HYAL4: variants seen among roughly 807,000 people sequenced by gnomAD.
The protein encoded by HYAL4 is hyaluronidase 4, also known as hyaluronidase-4.
In HYAL4, 37 loss-of-function variants were observed where a neutral mutation model predicts 35.2. The ratio of observed to expected loss-of-function variants is 1.05; its 90% confidence interval spans 0.81 to 1.38. HYAL4 has a LOEUF of 1.38. Ranked by LOEUF, HYAL4 falls within the 40% of genes most tolerant of loss-of-function variation. The pLI is 0.00. For missense variants in HYAL4, 572 were observed against 572.4 expected, an observed-to-expected ratio of 1.00 and a Z score of 0.01; for synonymous variants, 198 against 203.2, an observed-to-expected ratio of 0.97 and a Z score of 0.22.
At chr7:123,826,043 G>C (rs1412498186), upstream of HYAL4, among the ~76,000 whole-genome samples, 1 of 151,744 alleles carries the variant, frequency 6.6e-6, no homozygotes, top group Non-Finnish European at 1.5e-5. Flanking sequence ...TCCAAAGACA[G>C]AGTAGAAGAT....
the HYAL4 span, among the ~76,000 whole-genome samples, chr7:123,800,703 C>T: frequency 6.6e-6 from 1 of 151,652 alleles, no homozygotes; most frequent in Non-Finnish European, 1.5e-5. Flanking sequence ...GTCACCTAGG[C>T]TGGAGTGCAG....
chr7:123,788,770 G>T, the HYAL4 span, among the ~76,000 whole-genome samples: 1 of 152,330 alleles, frequency 6.6e-6, no homozygotes, highest in African/African-American at 2.4e-5. Context: ...TGAGAACAAG[G>T]AAGTACCTTG....
chr7:123,860,914 T>C (rs1406045424), intron 2 of HYAL4, among the ~76,000 whole-genome samples: 1 of 152,204 alleles, frequency 6.6e-6, no homozygotes, highest in Admixed American at 6.5e-5. Flanking sequence ...GAGAGATAGA[T>C]GATAGGTTGC....
chr7:123,801,953 G>T, the HYAL4 span, among the ~76,000 whole-genome samples: 3 of 152,154 alleles, frequency 2.0e-5, no homozygotes, highest in Admixed American at 6.5e-5. Context: ...CATGGTTTTT[G>T]TTCCTAGAGG....
At chr7:123,874,100 T>C (rs763030044) in intron 3 of HYAL4, among the ~76,000 whole-genome samples, 1 of 152,214 alleles carries the variant, frequency 6.6e-6, no homozygotes, top group Non-Finnish European at 1.5e-5. Context: ...GGATTCTGTT[T>C]CCAGGGCACA....
At chr7:123,799,700 T>A in the HYAL4 span, among the ~76,000 whole-genome samples, 1 of 152,062 alleles carries the variant, frequency 6.6e-6, no homozygotes, top group Non-Finnish European at 1.5e-5. Flanking sequence ...AATTTTTCAT[T>A]TACTCATTTT....
the HYAL4 span, among the ~76,000 whole-genome samples, chr7:123,817,968 C>A: frequency 1.3e-5 from 2 of 152,100 alleles, no homozygotes; most frequent in African/African-American, 4.8e-5. Context: ...ACCTCCGCCT[C>A]CTGAATTCAA....
chr7:123,862,645 T>G (rs1300451504), intron 2 of HYAL4, among the ~76,000 whole-genome samples: 2 of 152,176 alleles, frequency 1.3e-5, no homozygotes, highest in Non-Finnish European at 2.9e-5. Flanking sequence ...TATAATATCC[T>G]TTTCCTTTGT....
chr7:123,786,624 A>G, the HYAL4 span, among the ~76,000 whole-genome samples: 1 of 152,260 alleles, frequency 6.6e-6, no homozygotes, highest in Admixed American at 6.5e-5. Flanking sequence ...AAGTTTTAAA[A>G]TCTAGTAAAT....
chr7:123,782,209 T>A, the HYAL4 span, among the ~76,000 whole-genome samples: 1 of 152,144 alleles, frequency 6.6e-6, no homozygotes, highest in Non-Finnish European at 1.5e-5. Flanking sequence ...TCCTAGTATT[T>A]TTGGTGGGGT....
chr7:123,818,860 T>A, the HYAL4 span, among the ~76,000 whole-genome samples: 1 of 152,214 alleles, frequency 6.6e-6, no homozygotes, highest in South Asian at 2.1e-4. Flanking sequence ...ACATAATGTT[T>A]TGAGGTACAT....
intron 2 of HYAL4, among the ~76,000 whole-genome samples, chr7:123,850,479 G>A (rs1036499746): frequency 5.3e-5 from 8 of 152,152 alleles, no homozygotes; most frequent in East Asian, 1.9e-4. Flanking sequence ...GGGCTCAAGC[G>A]GTCCTCCTCC....
chr7:123,793,338 T>C, the HYAL4 span, among the ~76,000 whole-genome samples: 66 of 152,378 alleles, frequency 4.3e-4, 1 homozygote, highest in Middle Eastern at 3.4e-3. Context: ...TTTACCCTTA[T>C]GCCTAACTGT....
chr7:123,822,867 C>T, the HYAL4 span, among the ~76,000 whole-genome samples: 2 of 152,146 alleles, frequency 1.3e-5, no homozygotes, highest in Non-Finnish European at 2.9e-5. Context: ...CAGGAGGCTA[C>T]AGCAGGAGGA....
At chr7:123,819,517 G>A in the HYAL4 span, 5 of 152,442 alleles carry the variant, frequency 3.3e-5, no homozygotes, top group African/African-American at 1.2e-4. Flanking sequence ...GAGTCAAATG[G>A]TTGCTGATTA....
chr7:123,778,309 T>C, the HYAL4 span, among the ~76,000 whole-genome samples: 56 of 152,274 alleles, frequency 3.7e-4, no homozygotes, highest in African/African-American at 1.3e-3. Context: ...TATAAAATCA[T>C]AATAAAACGA....
At chr7:123,836,873 CA>C (rs752603807) in intron 1 of HYAL4, among the ~76,000 whole-genome samples, 1 of 151,782 alleles carries the variant, frequency 6.6e-6, no homozygotes, top group Non-Finnish European at 1.5e-5. Context: ...TACTAATAAG[CA>C]AAAATTAGCT....
intron 2 of HYAL4, among the ~76,000 whole-genome samples, chr7:123,865,308 C>T (rs1806660563): frequency 6.6e-6 from 1 of 151,988 alleles, no homozygotes; most frequent in Non-Finnish European, 1.5e-5. Flanking sequence ...AAGCTTCTTC[C>T]CCCTTCTATT....
chr7:123,792,914 G>C, the HYAL4 span, among the ~76,000 whole-genome samples: 1 of 152,162 alleles, frequency 6.6e-6, no homozygotes, highest in Admixed American at 6.5e-5. Context: ...CAGGCTACCA[G>C]TTCAGCCTGC....
Sources: allele counts gnomAD v4.1 joint callset (sites outside exome capture counted in the v4.1 genomes callset), GRCh38; gene constraint gnomAD v4.1.1; transcripts MANE v1.5; gene names NCBI Gene and HGNC (gene_info 2026-07-23, HGNC 2026-07-21).